P4HA2: variants seen among roughly 807,000 people sequenced by gnomAD.
The protein encoded by P4HA2 is prolyl 4-hydroxylase subunit alpha 2.
In P4HA2, 46 loss-of-function variants were observed where a neutral mutation model predicts 76.9. The ratio of observed to expected loss-of-function variants is 0.60; its 90% CI spans 0.47 to 0.76. The LOEUF (loss-of-function observed/expected upper bound fraction) is 0.76. Among genes scored for constraint, P4HA2 ranks in the 30% least tolerant of loss-of-function variants. The probability of loss-of-function intolerance (pLI) is 0.00; values close to 1 mark genes in which losing one functional copy is unlikely to be tolerated. For missense variants in P4HA2, 583 were observed against 669.4 expected (o/e 0.87, Z 1.42); for synonymous variants, 243 against 254.0 (o/e 0.96, Z 0.41).
rs149948544 is a variant in P4HA2, at chr5:132,223,008, CG to C, written c.-18-4365del. Among the ~76,000 whole-genome samples the C allele has an allele frequency of 1.6e-3, 241 of 152,352 alleles. 1 individual carries two copies. Among genetic ancestry groups the C allele is most frequent in the African/African-American group, 5.1e-3 (213 of 41,560 alleles). ...ATACCACTATATTGGATGCATCTTA[CG>C]TCCCACCTTGCAACCTCTTGGTCTC... On this transcript the variant is annotated intron_variant, in intron 1 of 14. Transcript: ENST00000360568.
chr5:132,193,334 A>C, intron 14 of P4HA2: 1 of 348,576 alleles, frequency 2.9e-6, no homozygotes, highest in East Asian at 4.7e-5. Flanking sequence ...AGGGCATCTA[A>C]TCATGCCCTT....
chr5:132,198,193 A>G, intron 12 of P4HA2, 128 bp downstream of exon 12: 1 of 1,614,128 alleles, frequency 6.2e-7, no homozygotes. Flanking sequence ...TCATCAGCAC[A>G]CATCATACTC....
intron 1 of P4HA2, among the ~76,000 whole-genome samples, chr5:132,226,010 A>G (rs1485717501): frequency 6.6e-6 from 1 of 152,174 alleles, no homozygotes; most frequent in African/African-American, 2.4e-5. Context: ...CTAAAAGAAA[A>G]GAATTCAAAG....
chr5:132,223,141 T>C (rs1197494535), intron 1 of P4HA2, among the ~76,000 whole-genome samples: 2 of 152,232 alleles, frequency 1.3e-5, no homozygotes, highest in African/African-American at 4.8e-5. Flanking sequence ...CCAGACTCTG[T>C]TGAAGTACCA....
At chr5:132,195,604 C>T in intron 12 of P4HA2, 124 bp from the exon 13 acceptor site, 1 of 732,186 alleles carries the variant, frequency 1.4e-6, no homozygotes, top group Non-Finnish European at 2.4e-6. Context: ...TACTTGGTGT[C>T]TGCTCCATGG....
chr5:132,190,712 T>C lies in P4HA2; in HGVS notation c.*2298A>G, dbSNP rs1749830643. ...AAAACATAAATCAAAAAGAAAAAGC[T>C]TGATAGATTTGACATAAAAATTAAA... On this transcript the variant is annotated 3_prime_UTR_variant, in exon 15 of 15. Transcript: ENST00000360568. Among the ~76,000 whole-genome samples, 1 of 151,990 alleles carries C rather than the reference T, an allele frequency of 6.6e-6. No homozygotes were observed. The highest frequency in any genetic ancestry group is 2.1e-4 in the South Asian group (1 of 4,828).
chr5:132,198,329 G>C lies in P4HA2; in HGVS notation c.1357C>G (p.Leu453Val). Residue 453 changes from leucine (L) to valine (V), a missense_variant, in exon 12 of 15, where the codon CTT becomes GTT. Transcript: ENST00000360568. ...CTGGACCCAGTACTTACGTAGTTAA[G>C]AAACGTCGCTAACCTATTCCCCTCT... ...KTEGNRLATF[L>V]NYMSDVEAGG... 6.2e-7 allele frequency: 1 copy of C among 1,614,136 alleles called. No homozygotes were observed. Among genetic ancestry groups the C allele is most frequent in the Admixed American group, 1.7e-5 (1 of 60,026 alleles).
At chr5:132,218,018 G>A (rs929880724) in intron 2 of P4HA2, 170 bp from the exon 3 acceptor site, 1 of 529,164 alleles carries the variant, frequency 1.9e-6, no homozygotes, top group Non-Finnish European at 3.4e-6. Flanking sequence ...CACTCATGGG[G>A]CTCTATCTCG....
chr5:132,190,567 C>T lies in P4HA2; in HGVS notation c.*2443G>A, dbSNP rs1273342551. Among the ~76,000 whole-genome samples the T allele has an allele frequency of 3.3e-5, 5 of 152,202 alleles. No individual in the cohort carries two copies. The highest frequency in any genetic ancestry group is 7.3e-5 in the Non-Finnish European group (5 of 68,030). ...GCAAAAAATTAAAAGTAGAACTTTA[C>T]ACTTCATACCACGTATAAAGATAAA... On this transcript the variant is annotated 3_prime_UTR_variant, in exon 15 of 15. Transcript: ENST00000360568.
intron 5 of P4HA2, among the ~76,000 whole-genome samples, chr5:132,212,050 T>C (rs1279798934): frequency 1.3e-5 from 2 of 151,586 alleles, no homozygotes; most frequent in Admixed American, 6.6e-5. Flanking sequence ...TTTGGGAGAG[T>C]GACAGCTGAG....
chr5:132,217,703 G>T, intron 3 of P4HA2, 49 bp downstream of exon 3: 1 of 1,128,276 alleles, frequency 8.9e-7, no homozygotes, highest in Non-Finnish European at 1.4e-6. Context: ...TTCCTTGAGG[G>T]GCAGAAGGGA....
intron 10 of P4HA2, 148 bp downstream of exon 10, chr5:132,203,600 G>T (rs1156599902): frequency 1.6e-6 from 1 of 616,198 alleles, no homozygotes; most frequent in East Asian, 2.8e-5. Flanking sequence ...ATTAATTCTG[G>T]TTTCCTAAAA....
chr5:132,208,822 G>A (rs144568349), intron 7 of P4HA2, among the ~76,000 whole-genome samples: 2 of 152,014 alleles, frequency 1.3e-5, no homozygotes, highest in East Asian at 3.9e-4. Context: ...GACTTCTTTT[G>A]GGGCCTGAGG....
intron 1 of P4HA2, chr5:132,227,210 G>C (rs996391892): frequency 6.6e-6 from 1 of 152,262 alleles, no homozygotes; most frequent in Non-Finnish European, 1.5e-5. Context: ...GAATTATCAC[G>C]GGTCTCCGCA....
Position 132,195,410 on chromosome 5 carries a change from A to G in P4HA2, c.1434+2T>C. On this transcript the variant is annotated splice_donor_variant, in intron 13 of 14. Transcript: ENST00000360568. LOFTEE classifies it high-confidence loss of function. ...CTCTGACCCACAAGAATCAGAACTT[A>G]CCTTCTTAGGCCAAATTGCAGCCCC... 1 of 1,607,288 alleles carries G rather than the reference A, an allele frequency of 6.2e-7. No homozygotes were observed. The highest frequency in any genetic ancestry group is 8.5e-7 in the Non-Finnish European group (1 of 1,173,766).
rs1041679877 is a variant in P4HA2 at position 132,190,579 on chromosome 5, C to T, written c.*2431G>A. On this transcript the variant is annotated 3_prime_UTR_variant, in exon 15 of 15. Transcript: ENST00000360568. ...AAGTAGAACTTTACACTTCATACCA[C>T]GTATAAAGATAAACCTAAATGACAA... Among the ~76,000 whole-genome samples, 2 of 152,104 alleles carry T rather than the reference C, an allele frequency of 1.3e-5. No homozygotes were observed. The highest frequency in any genetic ancestry group is 4.8e-5 in the African/African-American group (2 of 41,410).
intron 8 of P4HA2, among the ~76,000 whole-genome samples, chr5:132,204,695 TCAAG>T (rs1751959528): frequency 6.6e-6 from 1 of 152,152 alleles, no homozygotes; most frequent in African/African-American, 2.4e-5. Context: ...TCCCACAGCC[TCAAG>T]AAGCAAAGAC....
At position 132,190,770 on chromosome 5, in the gene P4HA2, A is replaced by C. The variant is rs1749836278; in HGVS notation, c.*2240T>G. Reference sequence around the variant, plus strand: ...GTTTATCAAAAGACAGAACTAAAATAGTGAAAAGACAAGCCACAGAAGATA... The same window carrying C: ...GTTTATCAAAAGACAGAACTAAAATCGTGAAAAGACAAGCCACAGAAGATA... On this transcript the variant is annotated 3_prime_UTR_variant, in exon 15 of 15. Transcript: ENST00000360568. Among the ~76,000 whole-genome samples the C allele has an allele frequency of 3.3e-5, 5 of 152,222 alleles. No individual in the cohort carries two copies. The South Asian group carries it at 8.3e-4, about 25-fold the overall frequency.
At chr5:132,225,495 TCAGAGCTGCACC>T (rs1755255099) in intron 1 of P4HA2, among the ~76,000 whole-genome samples, 1 of 152,310 alleles carries the variant, frequency 6.6e-6, no homozygotes, top group Non-Finnish European at 1.5e-5. Flanking sequence ...GACTCATTCC[TCAGAGCTGCACC>T]CACGTAGTCT....
Sources: gnomAD v4.1 joint callset for allele counts (sites outside exome capture counted in the v4.1 genomes callset) on GRCh38, gnomAD v4.1.1 for gene constraint, MANE v1.5 for transcripts, NCBI Gene and HGNC (gene_info 2026-07-23, HGNC 2026-07-21) for gene names.